The following HNRNPH1 variants were observed in gnomAD, a reference collection of about 807,000 sequenced individuals.
The protein encoded by HNRNPH1 is heterogeneous nuclear ribonucleoprotein H.
HNRNPH1 carries 4 observed loss-of-function variants against 58.6 expected under a neutral mutation model. That is an observed-to-expected ratio of 0.07 (90% CI 0.03 to 0.16). The LOEUF is 0.16. Ranked by LOEUF, HNRNPH1 falls within the 10% of genes least tolerant of loss-of-function variation. HNRNPH1 has a pLI of 1.00. For synonymous variants in HNRNPH1, 192 were observed against 189.2 expected, an observed-to-expected ratio of 1.01 and a Z score of -0.12; for missense variants, 271 against 564.2, an observed-to-expected ratio of 0.48 and a Z score of 5.26.
At chr5:179,619,561 A>C in intron 3 of HNRNPH1, 154 bp from the exon 5 acceptor site, 1 of 590,778 alleles carries the variant, frequency 1.7e-6, no homozygotes, top group Non-Finnish European at 3.0e-6. Flanking sequence ...GCATTGCAAT[A>C]ATATGAAGTT....
chr5:179,617,886 A>G lies in HNRNPH1; in HGVS notation c.834T>C (p.Asp278=), dbSNP rs114713826. The G allele has an allele frequency of 1.8e-4, 293 of 1,613,648 alleles. 3 individuals carry two copies. The African/African-American group carries it at 3.3e-3, about 18-fold the overall frequency. Residue 278 remains aspartate (D), a synonymous_variant, in exon 7 of 13, where the codon GAT becomes GAC. Transcript: ENST00000356731. Reference sequence around the variant, plus strand: ...TTGTGCTCTGGAAAGTAGAGCCACCATCCCCGTATCTGTGATCAGACATTC... The same window carrying G: ...TTGTGCTCTGGAAAGTAGAGCCACCGTCCCCGTATCTGTGATCAGACATTC...
chr5:179,624,398 C>T (rs891726462), exon 1 of HNRNPH1: 1 of 397,102 alleles, frequency 2.5e-6, no homozygotes, highest in Admixed American at 4.4e-5. Flanking sequence ...TTTTGCCTAA[C>T]GAATTCGCAC....
intron 8 of HNRNPH1, 129 bp downstream of exon 9, chr5:179,617,385 C>T (rs902147012): frequency 1.2e-5 from 13 of 1,109,082 alleles, no homozygotes; most frequent in Non-Finnish European, 1.6e-5. Flanking sequence ...ACTGCCCCCG[C>T]ATCCCCCAAG....
chr5:179,633,461 A>ATTTTT (rs762139490), intron 2 of HNRNPH1, among the ~76,000 whole-genome samples: 174 of 102,474 alleles, frequency 1.7e-3, no homozygotes, highest in Non-Finnish European at 2.3e-3. Context: ...CACCCGGCTA[A>ATTTTT]TTTTTTTTTT....
At position 179,614,974 on chromosome 5, in the gene HNRNPH1, A is replaced by G. The variant is rs1768797618; in HGVS notation, c.*1-15T>C. ...TCCTTGGTTACCTGCAAAGAGATCA[A>G]TTTGACAAGTTAGGAGTAATATCAG... On this transcript the variant is annotated splice_polypyrimidine_tract_variant and intron_variant, in intron 12 of 12. Transcript: ENST00000356731. 2.8e-6 allele frequency: 4 copies of G among 1,427,574 alleles called. No homozygotes were observed. Among genetic ancestry groups the G allele is most frequent in the South Asian group, 2.5e-5 (2 of 81,592 alleles). 88.4% of individuals were successfully genotyped at this position (1,427,574 alleles called of 1,614,324 possible).
chr5:179,618,568 G>C (rs1770882359), intron 4 of HNRNPH1: 1 of 371,200 alleles, frequency 2.7e-6, no homozygotes, highest in Admixed American at 4.2e-5. Context: ...CCAACCTTAG[G>C]GGTAGAGAGG....
chr5:179,617,927 T>C, exon 7 of HNRNPH1: 2 of 1,614,146 alleles, frequency 1.2e-6, no homozygotes, highest in East Asian at 2.2e-5. Context: ...AAACAGTAAT[T>C]GAGGTCTAGA....
chr5:179,618,337 C>A lies in HNRNPH1; in HGVS notation c.537-14G>T. On this transcript the variant is annotated splice_polypyrimidine_tract_variant and intron_variant, in intron 4 of 12. Transcript: ENST00000356731. The stretch of plus-strand genomic sequence containing the variant: ...ATTTCAATATACCTAAAGCATTGTT[C>A]ATAAGGAAGGGGTAGGGAGGGGAGA... The A allele has an allele frequency of 1.3e-6, 2 of 1,586,248 alleles. No individual in the cohort carries two copies. Among genetic ancestry groups the A allele is most frequent in the South Asian group, 2.3e-5 (2 of 88,140 alleles).
At chr5:179,618,831 A>G (rs1360101317) in intron 4 of HNRNPH1, 1 of 157,880 alleles carries the variant, frequency 6.3e-6, no homozygotes, top group East Asian at 1.9e-4. Context: ...TTTTGTGACA[A>G]TTTCTTGAAA....
upstream of HNRNPH1, chr5:179,629,098 C>CT (rs1562367569): frequency 2.0e-5 from 3 of 148,686 alleles, no homozygotes; most frequent in East Asian, 6.2e-4. Context: ...CAGATCGAGA[C>CT]CATCCTGGAT....
exon 1 of HNRNPH1, chr5:179,624,588 C>T (rs911845562): frequency 1.0e-5 from 4 of 398,654 alleles, no homozygotes; most frequent in East Asian, 7.1e-5. Context: ...CAGGCGTAGA[C>T]GCTGCATTCG....
At chr5:179,625,339 T>C (rs554225117), upstream of HNRNPH1, among the ~76,000 whole-genome samples, 1 of 69,818 alleles carries the variant, frequency 1.4e-5, no homozygotes, top group Admixed American at 1.8e-4. Context: ...CTACTAAAGA[T>C]ACAAAAATTA....
At chr5:179,617,083 T>A in exon 9 of HNRNPH1, 1 of 1,614,152 alleles carries the variant, frequency 6.2e-7, no homozygotes, top group Non-Finnish European at 8.5e-7. Flanking sequence ...TGCTGTAGAA[T>A]TCAAGAAGAG....
At position 179,633,388 on chromosome 5, in the gene HNRNPH1, C is replaced by T. The variant is rs565943676; in HGVS notation, c.-32+677G>A. Among the ~76,000 whole-genome samples, 930 of 151,888 alleles carry T rather than the reference C, an allele frequency of 6.1e-3. 13 individuals are homozygous for T. Among genetic ancestry groups the T allele is most frequent in the African/African-American group, 0.022 (892 of 41,392 alleles). ...TCGGCTCACTGCAAGCTCCGCCTCC[C>T]GGGTTCACGCCATTCTCCTGCCTCA... On this transcript the variant is annotated intron_variant, in intron 2 of 4. Transcript: ENST00000521116.
At chr5:179,623,406 G>A (rs1329494339) in exon 1 of HNRNPH1, 5 of 258,626 alleles carry the variant, frequency 1.9e-5, no homozygotes, top group South Asian at 1.4e-4. Context: ...GGAAATGGCG[G>A]CGGCCGCTTC....
intron 1 of HNRNPH1, among the ~76,000 whole-genome samples, chr5:179,622,235 T>C (rs1478121742): frequency 1.3e-5 from 2 of 152,202 alleles, no homozygotes. Context: ...TTAGGAAAAC[T>C]GAAATTAAGA....
Position 179,623,172 on chromosome 5 carries a change from G to T in HNRNPH1, c.-39C>A. 2 of 1,479,526 alleles carry T rather than the reference G, an allele frequency of 1.4e-6. No individual in the cohort carries two copies. The highest frequency in any genetic ancestry group is 1.9e-6 in the Non-Finnish European group (2 of 1,063,596). 91.6% of individuals were successfully genotyped at this position (1,479,526 alleles called of 1,614,324 possible). The stretch of plus-strand genomic sequence containing the variant: ...GTCCGGCGTCGAAACAAACTGCAAA[G>T]CGGGGAGGACCAGAACTGAGAGCGC... On this transcript the variant is annotated 5_prime_UTR_variant, in exon 1 of 13. Coordinates refer to ENST00000356731, the Ensembl canonical transcript of HNRNPH1.
At chr5:179,623,009 G>T (rs752428276) in intron 1 of HNRNPH1, 28 bp downstream of exon 2, 55 of 1,134,662 alleles carry the variant, frequency 4.8e-5, no homozygotes, top group Non-Finnish European at 6.0e-5. Flanking sequence ...CCTCGAACTC[G>T]AACTCCCGCG....
rs894634830 is a variant in HNRNPH1, at chr5:179,630,827, C to T, written c.-32+3238G>A. 6.0e-5 allele frequency among the ~76,000 whole-genome samples: 9 copies of T among 150,826 alleles called. No individual in the cohort carries two copies. In the East Asian group the frequency reaches 1.2e-3, roughly 20 times the overall value. On this transcript the variant is annotated intron_variant, in intron 2 of 4. Transcript: ENST00000521116. ...TCAGGAGGCTGAGGCAGGAGAATGG[C>T]GTGAACCCGGGAGGCAGAGCTTGCA... is the stretch of plus-strand genomic sequence containing the variant.
Sources: allele counts gnomAD v4.1 joint callset (sites outside exome capture counted in the v4.1 genomes callset), GRCh38; gene constraint gnomAD v4.1.1; transcripts MANE v1.5; gene names NCBI Gene and HGNC (gene_info 2026-07-23, HGNC 2026-07-21).